TAOK1: variants seen among roughly 807,000 people sequenced by gnomAD.
TAOK1 encodes the protein TAO kinase 1, also known as serine/threonine-protein kinase TAO1.
A neutral mutation model predicts 138.3 loss-of-function variants in TAOK1; 21 were observed. The observed-to-expected ratio is 0.15, with a 90% CI of 0.11 to 0.22. The LOEUF is 0.22. Among genes scored for constraint, TAOK1 ranks in the 10% least tolerant of loss-of-function variants. The pLI, the probability that TAOK1 is intolerant of heterozygous loss-of-function variation, is 1.00. For synonymous variants in TAOK1, 361 were observed against 398.4 expected, an observed-to-expected ratio of 0.91 and a Z score of 1.12; for missense variants, 651 against 1,227.7, an observed-to-expected ratio of 0.53 and a Z score of 7.02.
At chr17:29,488,442 C>T (rs1290095482) in intron 8 of TAOK1, among the ~76,000 whole-genome samples, 2 of 73,064 alleles carry the variant, frequency 2.7e-5, no homozygotes, top group Non-Finnish European at 8.1e-5. Context: ...TGGCAGCGCA[C>T]TCCTGTAATC....
chr17:29,528,698 G>C (rs370256454), intron 17 of TAOK1, among the ~76,000 whole-genome samples: 28 of 151,684 alleles, frequency 1.8e-4, no homozygotes, highest in Admixed American at 5.3e-4. Context: ...AAATTGGCTG[G>C]GCTTGGTGGT....
At chr17:29,530,286 G>A in intron 17 of TAOK1, 121 bp from the exon 18 acceptor site, 2 of 830,178 alleles carry the variant, frequency 2.4e-6, no homozygotes, top group South Asian at 3.6e-5. Flanking sequence ...CTGATGATCT[G>A]ACCTGCTTGG....
intron 18 of TAOK1, among the ~76,000 whole-genome samples, chr17:29,532,355 GT>G (rs11431904): frequency 1.4e-5 from 2 of 147,636 alleles, no homozygotes. Flanking sequence ...TTTGTTTGTG[GT>G]TTTTTTTTTT....
At chr17:29,407,307 T>C (rs1905021785) in intron 1 of TAOK1, among the ~76,000 whole-genome samples, 2 of 151,546 alleles carry the variant, frequency 1.3e-5, no homozygotes, top group Admixed American at 1.3e-4. Flanking sequence ...TTAAAATTTG[T>C]ATTTTACTGG....
At position 29,551,168 on chromosome 17, in the gene TAOK1, ATT is replaced by A. The variant is rs2032487000; in HGVS notation, c.*8149_*8150del. On this transcript the variant is annotated 3_prime_UTR_variant, in exon 20 of 20. Coordinates refer to ENST00000261716, the MANE Select transcript of TAOK1 (RefSeq NM_020791.4). ...AAGTGGTATCTGTTATCCACAATGT[ATT>A]TTAGTTATTCCCACAAGTCAGGGGT... The A allele has an allele frequency of 6.6e-6, 1 of 152,174 alleles. No homozygotes were observed. The highest frequency in any genetic ancestry group is 2.4e-5 in the African/African-American group (1 of 41,448). The allele number at this position is 152,174 out of a possible 1,614,324, so 9.4% of individuals were successfully genotyped here. A position where few individuals can be genotyped will look rare whatever the true frequency, so the allele number is the denominator to read the frequency against.
chr17:29,407,102 A>G (rs1458255169), intron 1 of TAOK1, among the ~76,000 whole-genome samples: 4 of 151,338 alleles, frequency 2.6e-5, no homozygotes, highest in Non-Finnish European at 5.9e-5. Flanking sequence ...TCAGTCTTGA[A>G]CTCCTGGGCT....
intron 18 of TAOK1, among the ~76,000 whole-genome samples, chr17:29,532,354 G>GTTTTTTTTTTTTT (rs146631894): frequency 7.0e-6 from 1 of 143,074 alleles, no homozygotes. Flanking sequence ...GTTTGTTTGT[G>GTTTTTTTTTTTTT]GTTTTTTTTT....
rs893529014 is a variant in TAOK1, at chr17:29,548,636, G to A, written c.*5614G>A. 1.3e-5 allele frequency: 2 copies of A among 152,068 alleles called. No homozygotes were observed. The highest frequency in any genetic ancestry group is 2.4e-5 in the African/African-American group (1 of 41,420). The allele number at this position is 152,068 out of a possible 1,614,324, so 9.4% of individuals were successfully genotyped here. ...ATACCCAGAATTCCCCCCAAAGTAC[G>A]GGTAATTCAACCTGCACAGTTTTCT... On this transcript the variant is annotated 3_prime_UTR_variant, in exon 20 of 20. Transcript: ENST00000261716.
At chr17:29,489,818 CTG>C in intron 9 of TAOK1, 61 bp downstream of exon 9, 3 of 1,239,364 alleles carry the variant, frequency 2.4e-6, no homozygotes, top group Non-Finnish European at 3.4e-6. Flanking sequence ...TTTTCATAAT[CTG>C]TTATCAAAGT....
intron 9 of TAOK1, 62 bp downstream of exon 9, chr17:29,489,819 T>C: frequency 8.0e-7 from 1 of 1,245,288 alleles, no homozygotes; most frequent in Admixed American, 2.3e-5. Flanking sequence ...TTTCATAATC[T>C]GTTATCAAAG....
At chr17:29,520,954 G>A (rs1264566883) in intron 16 of TAOK1, among the ~76,000 whole-genome samples, 2 of 151,970 alleles carry the variant, frequency 1.3e-5, no homozygotes, top group South Asian at 2.1e-4. Flanking sequence ...GAACTCAGAA[G>A]GCAGAGGTTG....
intron 2 of TAOK1, among the ~76,000 whole-genome samples, chr17:29,463,419 A>G (rs2030577250): frequency 6.6e-6 from 1 of 152,132 alleles, no homozygotes; most frequent in Admixed American, 6.6e-5. Context: ...AAAATAAAAA[A>G]AATTAGCCGG....
chr17:29,421,351 G>A (rs751735327), intron 1 of TAOK1, among the ~76,000 whole-genome samples: 1 of 152,230 alleles, frequency 6.6e-6, no homozygotes, highest in Admixed American at 6.5e-5. Context: ...TAAATGTTTT[G>A]TTGCAATTTT....
rs1904514488 is a variant in TAOK1 at position 29,394,150 on chromosome 17, G to GTTTTGT, written c.-95+3130_-95+3131insGTTTTT. On this transcript the variant is annotated intron_variant, in intron 1 of 19. Coordinates refer to ENST00000261716, the MANE Select transcript of TAOK1 (RefSeq NM_020791.4). ...TATGATTTATTTTAATAATTTGCCAGTTTTTTTTTTTTTTTTTTTTTTTTT... is the reference window on the plus strand; with the variant it reads ...TATGATTTATTTTAATAATTTGCCAGTTTTGTTTTTTTTTTTTTTTTTTTTTTTTTT... 6.8e-4 allele frequency among the ~76,000 whole-genome samples: 33 copies of GTTTTGT among 48,280 alleles called. 1 individual carries two copies. The highest frequency in any genetic ancestry group is 1.1e-3 in the Non-Finnish European group (31 of 27,594). The allele number at this position is 48,280 out of a possible 152,430, so 31.7% of individuals were successfully genotyped here.
intron 13 of TAOK1, among the ~76,000 whole-genome samples, chr17:29,503,040 G>A (rs2031559203): frequency 6.6e-6 from 1 of 152,136 alleles, no homozygotes; most frequent in Non-Finnish European, 1.5e-5. Flanking sequence ...AATAGTTTGA[G>A]TATTTAAAAT....
At position 29,483,911 on chromosome 17, in the gene TAOK1, A is replaced by G. The variant is rs148246076; in HGVS notation, c.655+1623A>G. On this transcript the variant is annotated intron_variant, in intron 8 of 19. Transcript: ENST00000261716. ...AGAAGCCTGGGTATACATGTACAGA[A>G]GCTGGTTAATGTACTCTTTGCCCAT... is the stretch of plus-strand genomic sequence containing the variant. 2.0e-5 allele frequency among the ~76,000 whole-genome samples: 3 copies of G among 152,342 alleles called. No homozygotes were observed. The East Asian group carries it at 5.8e-4, about 29-fold the overall frequency.
chr17:29,472,654 A>T (rs1468395108), intron 3 of TAOK1, among the ~76,000 whole-genome samples: 18 of 147,484 alleles, frequency 1.2e-4, no homozygotes, highest in Non-Finnish European at 2.2e-4. Flanking sequence ...GCTCACCGCA[A>T]CCTCCGCCCC....
At chr17:29,433,892 G>C (rs1337154651) in intron 1 of TAOK1, among the ~76,000 whole-genome samples, 1 of 152,030 alleles carries the variant, frequency 6.6e-6, no homozygotes, top group African/African-American at 2.4e-5. Context: ...GCTGACAGGG[G>C]CCTGTTTTGG....
intron 8 of TAOK1, among the ~76,000 whole-genome samples, chr17:29,488,137 T>G (rs2031210329): frequency 1.3e-5 from 2 of 152,212 alleles, no homozygotes; most frequent in Non-Finnish European, 2.9e-5. Flanking sequence ...TAACAAAATG[T>G]GCAGATGCTT....
Sources: allele counts gnomAD v4.1 joint callset (sites outside exome capture counted in the v4.1 genomes callset), GRCh38; gene constraint gnomAD v4.1.1; transcripts MANE v1.5; gene names NCBI Gene and HGNC (gene_info 2026-07-23, HGNC 2026-07-21).